Variants in ZAN observed in about 807,000 individuals in gnomAD.
ZAN encodes zonadhesin (gene/pseudogene).
A neutral mutation model predicts 286.2 loss-of-function variants in ZAN; 260 were observed. The observed-to-expected ratio is 0.91, with a 90% confidence interval of 0.82 to 1.01. ZAN has a LOEUF of 1.01. Among genes scored for constraint, ZAN ranks in the 50% least tolerant of loss-of-function variants. The pLI is 0.00. For missense variants in ZAN, 3,410 were observed against 3,639.2 expected, an observed-to-expected ratio of 0.94 and a Z score of 1.62; for synonymous variants, 1,368 against 1,417.5, an observed-to-expected ratio of 0.97 and a Z score of 0.79.
At chr7:100,791,489 C>T (rs1276940095) in intron 40 of ZAN, among the ~76,000 whole-genome samples, 2 of 150,860 alleles carry the variant, frequency 1.3e-5, no homozygotes, top group Non-Finnish European at 3.0e-5. Context: ...TCACTGCAAC[C>T]TCTGCCTCCC....
chr7:100,767,031 C>G lies in ZAN; in HGVS notation c.4634C>G (p.Ser1545Trp), dbSNP rs377250580. 2.5e-6 allele frequency: 4 copies of G among 1,613,796 alleles called. No homozygotes were observed. In the Admixed American group the frequency reaches 5.0e-5, roughly 20 times the overall value. ...HAQGAATCTA[S>W]GDPHYLTFDG... ...ACAGGTGCCGCCACCTGCACAGCCT[C>G]GGGTGACCCCCACTACCTGACCTTC... The change falls in exon 25 of 48, where the codon TCG becomes TGG. Residue 1545 changes from serine to tryptophan, a missense_variant. This residue lies in a region of ZAN where 1,042 missense variants were observed against 1,058.0 expected (regional missense o/e 0.98). Coordinates refer to ENST00000613979, the MANE Select transcript of ZAN (RefSeq NM_003386.3).
rs112180464 is a variant in ZAN at position 100,789,237 on chromosome 7, C to A, written c.7247C>A (p.Ala2416Asp). The part of the protein sequence containing the change: ...LELVVNNQKM[A>D]VPYRPNEHLR... ...CTTTAGGTCAACAACCAGAAGATGG[C>A]CGTCCCCTACAGGCCAAATGAACAC... The change falls in exon 39 of 48, where the codon GCC (alanine) becomes GAC (aspartate). Residue 2416 changes from alanine (A) to aspartate (D), a missense_variant. Physicochemically the swap from Ala to Asp is moderately radical, Grantham distance 126 (BLOSUM62 -2). This residue lies in a region of ZAN where 1,289 missense variants were observed against 1,314.3 expected (regional missense o/e 0.98). Transcript: ENST00000613979. 442 of 1,613,520 alleles carry A rather than the reference C, an allele frequency of 2.7e-4. 2 individuals carry two copies. The African/African-American group carries it at 4.5e-3, about 16-fold the overall frequency.
intron 28 of ZAN, 109 bp from the exon 29 acceptor site, chr7:100,771,735 A>T: frequency 3.2e-6 from 4 of 1,247,952 alleles, no homozygotes; most frequent in Non-Finnish European, 4.4e-6. Context: ...CCTGGCGGGA[A>T]AATCCAGGTT....
Position 100,767,811 on chromosome 7 carries a change from C to A in ZAN, c.4861-20C>A. 6.2e-7 allele frequency: 1 copy of A among 1,603,414 alleles called. No homozygotes were observed. Among genetic ancestry groups the A allele is most frequent in the Non-Finnish European group, 8.5e-7 (1 of 1,174,274 alleles). On this transcript the variant is annotated intron_variant, in intron 25 of 47. Coordinates refer to ENST00000613979, the MANE Select transcript of ZAN (RefSeq NM_003386.3). The stretch of plus-strand genomic sequence containing the variant: ...AGTTCTTTCCTGACTCTCCTTTCTA[C>A]GTCCTCCCTGCCTCTGCAGCTGAAT...
At chr7:100,742,674 G>C (rs1349824051) in intron 7 of ZAN, among the ~76,000 whole-genome samples, 1 of 82,186 alleles carries the variant, frequency 1.2e-5, no homozygotes, top group African/African-American at 5.0e-5. Flanking sequence ...AGACCCGCCC[G>C]GCCAACACAG....
At chr7:100,771,657 C>T (rs1810374495) in intron 28 of ZAN, among the ~76,000 whole-genome samples, 187 bp from the exon 29 acceptor site, 1 of 152,122 alleles carries the variant, frequency 6.6e-6, no homozygotes, top group Admixed American at 6.6e-5. Flanking sequence ...GTCTCAAACT[C>T]CTGACCTCAA....
chr7:100,784,598 G>A (rs770932346), intron 35 of ZAN, 25 bp from the exon 36 acceptor site: 6 of 1,611,430 alleles, frequency 3.7e-6, no homozygotes, highest in Middle Eastern at 1.9e-4. Context: ...CCTCTCCACT[G>A]ACCCACTGTC....
In ZAN at chr7:100,765,537, G is replaced by A. The variant is rs907835332; in HGVS notation, c.4453G>A (p.Ala1485Thr). Reference sequence around the variant, plus strand: ...CTCCCAGTGTGGGTGCCTCCACCCTGCAGGCAGCTACTTCAAGGTGAGCGG... The same window carrying A: ...CTCCCAGTGTGGGTGCCTCCACCCTACAGGCAGCTACTTCAAGGTGAGCGG... ...PRSQCGCLHP[A>T]GSYFKVGERW... The change falls in exon 23 of 48, where the codon GCA becomes ACA. Residue 1485 changes from alanine to threonine, a missense_variant. Around this residue, in one of 7 missense-constraint regions of ZAN, gnomAD observed 1,042 missense variants for 1,058.0 expected, o/e 0.98. Coordinates refer to ENST00000613979, the MANE Select transcript of ZAN (RefSeq NM_003386.3). 2 of 1,606,130 alleles carry A rather than the reference G, an allele frequency of 1.2e-6. No individual in the cohort carries two copies. Among genetic ancestry groups the A allele is most frequent in the East Asian group, 2.2e-5 (1 of 44,552 alleles).
Position 100,794,221 on chromosome 7 carries a change from C to G in ZAN, c.8088C>G (p.Val2696=). 1 of 1,612,704 alleles carries G rather than the reference C, an allele frequency of 6.2e-7. No homozygotes were observed. The highest frequency in any genetic ancestry group is 8.5e-7 in the Non-Finnish European group (1 of 1,179,160). The change falls in exon 44 of 48, where the codon GTC becomes GTG. Residue 2696 remains valine, a synonymous_variant. Coordinates refer to ENST00000613979, the MANE Select transcript of ZAN (RefSeq NM_003386.3). ...CEPFSCRAGE[V]CTLGNHTQGC... Reference sequence around the variant, plus strand: ...CCTTCAGCTGCAGAGCGGGGGAGGTCTGCACCCTGGGGAACCACACCCAAG... The same window carrying G: ...CCTTCAGCTGCAGAGCGGGGGAGGTGTGCACCCTGGGGAACCACACCCAAG...
At chr7:100,744,554 C>T (rs1164175226) in intron 7 of ZAN, among the ~76,000 whole-genome samples, 3 of 150,896 alleles carry the variant, frequency 2.0e-5, no homozygotes, top group Non-Finnish European at 3.0e-5. Flanking sequence ...GCCGAGATAG[C>T]GCCACTGCAC....
At position 100,762,322 on chromosome 7, in the gene ZAN, G is replaced by A. The variant is rs765574110; in HGVS notation, c.3950G>A (p.Gly1317Glu). 1.1e-5 allele frequency: 17 copies of A among 1,613,468 alleles called. No homozygotes were observed. Among genetic ancestry groups the A allele is most frequent in the Non-Finnish European group, 1.7e-6 (2 of 1,179,726 alleles). Residue 1317 changes from glycine (G) to glutamate (E), a missense_variant, in exon 20 of 48, where the codon GGG becomes GAG. Gly to Glu is a moderately conservative substitution (Grantham distance 98). Coordinates refer to ENST00000613979, the MANE Select transcript of ZAN (RefSeq NM_003386.3). ...GSPAGDKEEL[G>E]NSWQTDQDED... Reference sequence around the variant, plus strand: ...CCAGCAGGAGACAAGGAGGAGCTGGGGAACAGCTGGCAGACGGACCAGGAC... The same window carrying A: ...CCAGCAGGAGACAAGGAGGAGCTGGAGAACAGCTGGCAGACGGACCAGGAC...
In ZAN at chr7:100,764,064, G is replaced by A. The variant is rs188067261; in HGVS notation, c.4135G>A (p.Asp1379Asn). ...LLHVKAASFF[D>N]SCMLDMCGFQ... Reference sequence around the variant, plus strand: ...GCACGTGAAGGCCGCTTCCTTCTTCGACAGCTGCATGCTTGATATGTGCGG... The same window carrying A: ...GCACGTGAAGGCCGCTTCCTTCTTCAACAGCTGCATGCTTGATATGTGCGG... The change falls in exon 22 of 48, where the codon GAC becomes AAC. Residue 1379 changes from aspartate to asparagine, a missense_variant. Coordinates refer to ENST00000613979, the MANE Select transcript of ZAN (RefSeq NM_003386.3). 1.1e-5 allele frequency: 18 copies of A among 1,613,668 alleles called. No individual in the cohort carries two copies. Among genetic ancestry groups the A allele is most frequent in the Admixed American group, 1.7e-5 (1 of 59,972 alleles).
At position 100,787,946 on chromosome 7, in the gene ZAN, G is replaced by T. The variant is rs373952854; in HGVS notation, c.7037G>T (p.Ser2346Ile). ...CGTTACCTCACATTTGACGGCTTCAGCTACCGCTTGCAAGGCCGCATGACC... is the reference window on the plus strand; with the variant it reads ...CGTTACCTCACATTTGACGGCTTCATCTACCGCTTGCAAGGCCGCATGACC... ...DPRYLTFDGF[S>I]YRLQGRMTYV... is the part of the protein sequence containing the mutation. The change falls in exon 38 of 48, where the codon AGC becomes ATC. Residue 2346 changes from serine to isoleucine, a missense_variant. Ser to Ile is a moderately radical substitution (Grantham distance 142). This residue lies in a region of ZAN where 1,289 missense variants were observed against 1,314.3 expected (regional missense o/e 0.98). Coordinates refer to ENST00000613979, the MANE Select transcript of ZAN (RefSeq NM_003386.3). The T allele has an allele frequency of 2.7e-5, 13 of 488,790 alleles. No individual in the cohort carries two copies. Among genetic ancestry groups the T allele is most frequent in the African/African-American group, 2.5e-4 (13 of 51,896 alleles). The allele number at this position is 488,790 out of a possible 1,614,324, so 30.3% of individuals were successfully genotyped here. A position where few individuals can be genotyped will look rare whatever the true frequency, so the allele number is the denominator to read the frequency against.
intron 29 of ZAN, among the ~76,000 whole-genome samples, chr7:100,772,547 C>A (rs1048662158): frequency 6.6e-5 from 10 of 151,980 alleles, no homozygotes; most frequent in Non-Finnish European, 1.3e-4. Context: ...TGTTGCCGGG[C>A]GCGGTGGCTC....
intron 7 of ZAN, among the ~76,000 whole-genome samples, chr7:100,744,396 C>T (rs1562916357): frequency 2.0e-5 from 3 of 150,320 alleles, no homozygotes; most frequent in East Asian, 2.0e-4. Flanking sequence ...GTCAGGAGTC[C>T]GAGACCAGCC....
At position 100,769,955 on chromosome 7, in the gene ZAN, G is replaced by A. The variant is rs771537387; in HGVS notation, c.5229G>A (p.Ala1743=). The A allele has an allele frequency of 2.6e-5, 41 of 1,565,220 alleles. No homozygotes were observed. Among genetic ancestry groups the A allele is most frequent in the Middle Eastern group, 1.7e-4 (1 of 5,984 alleles). The part of the protein sequence containing the change: ...SMADAWNKNC[A]ILINPQGPFS... ...CAGACGCCTGGAACAAGAACTGTGC[G>A]ATCTTAATAAACCCTCAGGGTAAGA... Residue 1743 remains alanine (A), a synonymous_variant, in exon 28 of 48, where the codon GCG becomes GCA. Coordinates refer to ENST00000613979, the MANE Select transcript of ZAN (RefSeq NM_003386.3).
At chr7:100,747,151 G>T (rs1246755261) in intron 8 of ZAN, among the ~76,000 whole-genome samples, 1 of 151,968 alleles carries the variant, frequency 6.6e-6, no homozygotes, top group Non-Finnish European at 1.5e-5. Flanking sequence ...CGTTGGGAGG[G>T]TGAGGCTGGT....
intron 15 of ZAN, 108 bp from the exon 16 acceptor site, chr7:100,758,094 A>AAATT: frequency 8.9e-6 from 4 of 450,858 alleles, no homozygotes; most frequent in Non-Finnish European, 8.4e-6. Context: ...ACAAATAAAT[A>AAATT]AATAAATAAA....
At position 100,784,877 on chromosome 7, in the gene ZAN, A is replaced by G. The variant is rs1242573217; in HGVS notation, c.6834+43A>G. The G allele has an allele frequency of 2.6e-6, 4 of 1,514,896 alleles. No individual in the cohort carries two copies. The East Asian group carries it at 9.4e-5, about 35-fold the overall frequency. The allele number at this position is 1,514,896 out of a possible 1,614,324, so 93.8% of individuals were successfully genotyped here. A position where few individuals can be genotyped will look rare whatever the true frequency, so the allele number is the denominator to read the frequency against. On this transcript the variant is annotated intron_variant, in intron 36 of 47. Transcript: ENST00000613979. Reference sequence around the variant, plus strand: ...ATGGGACTGGAGGCAACACAGCTTGAGGGCAGTGCTTTCTCCTTTTCTCTG... The same window carrying G: ...ATGGGACTGGAGGCAACACAGCTTGGGGGCAGTGCTTTCTCCTTTTCTCTG...
Sources: gnomAD v4.1 joint callset for allele counts (sites outside exome capture counted in the v4.1 genomes callset) on GRCh38, gnomAD v4.1.1 for gene constraint, gnomAD v4.1.1 regional missense constraint, MANE v1.5 for transcripts, NCBI Gene and HGNC (gene_info 2026-07-23, HGNC 2026-07-21) for gene names.